EFCAB7: variants seen among roughly 807,000 people sequenced by gnomAD.
The protein encoded by EFCAB7 is EF-hand calcium binding domain 7, also known as EF-hand calcium-binding domain-containing protein 7.
A neutral mutation model predicts 77.1 loss-of-function variants in EFCAB7; 66 were observed. The ratio of observed to expected loss-of-function variants is 0.86; its 90% CI spans 0.70 to 1.05. The LOEUF is 1.05. EFCAB7 is among the 50% of genes least tolerant of loss of function. The pLI is 0.00. For missense variants in EFCAB7, 638 were observed against 730.5 expected (o/e 0.87, Z 1.46); for synonymous variants, 225 against 243.3 (o/e 0.92, Z 0.70).
intron 2 of EFCAB7, 35 bp downstream of exon 2, chr1:63,525,794 T>G (rs539813707): frequency 1.4e-6 from 2 of 1,401,040 alleles, no homozygotes; most frequent in Admixed American, 6.0e-5. Context: ...TTTCACCTTT[T>G]TGTTGAAAGT....
At chr1:63,553,283 G>C (rs1175766327) in intron 8 of EFCAB7, among the ~76,000 whole-genome samples, 1 of 152,146 alleles carries the variant, frequency 6.6e-6, no homozygotes. Flanking sequence ...TCTACATCTA[G>C]CCAATTTCAA....
intron 6 of EFCAB7, among the ~76,000 whole-genome samples, chr1:63,544,633 G>C (rs1286581772): frequency 6.6e-6 from 1 of 151,592 alleles, no homozygotes; most frequent in African/African-American, 2.4e-5. Context: ...GGCTGGTCTT[G>C]AACTCCTGAC....
chr1:63,579,323 G>A, the EFCAB7 span, among the ~76,000 whole-genome samples: 4 of 152,188 alleles, frequency 2.6e-5, no homozygotes, highest in Non-Finnish European at 5.9e-5. Context: ...CATGCAGTAT[G>A]TAACCTTTTG....
chr1:63,532,406 A>G (rs1025178975), intron 3 of EFCAB7, among the ~76,000 whole-genome samples: 4 of 152,066 alleles, frequency 2.6e-5, no homozygotes, highest in Non-Finnish European at 5.9e-5. Flanking sequence ...TAAACTCAAT[A>G]GCAGTTATAA....
rs749443668 is a variant in EFCAB7 at position 63,568,361 on chromosome 1, A to G, written c.1549A>G (p.Lys517Glu). 1.2e-6 allele frequency: 2 copies of G among 1,601,342 alleles called. No individual in the cohort carries two copies. The highest frequency in any genetic ancestry group is 1.7e-6 in the Non-Finnish European group (2 of 1,176,022). Residue 517 changes from lysine to glutamate, a missense_variant, in exon 12 of 14, where the codon AAA becomes GAA. Transcript: ENST00000371088. ...TGCAGAAAAATGCAAGCCAAAAATT[A>G]AAGCTGTCCATATGGAGGCATGTAG... ...IYAEKCKPKI[K>E]AVHMEACSGQ...
chr1:63,555,513 T>C lies in EFCAB7; in HGVS notation c.1212T>C (p.Phe404=), dbSNP rs533005548. Reference sequence around the variant, plus strand: ...GGGAATTATTCCTTACAAAGGAATTTAAGTAAGTTTTGTTTATTAATGTTA... The same window carrying C: ...GGGAATTATTCCTTACAAAGGAATTCAAGTAAGTTTTGTTTATTAATGTTA... The part of the protein sequence containing the change: ...ETGELFLTKE[F]KSTLSDIFEV... The change falls in exon 9 of 14, where the codon TTT becomes TTC. Residue 404 remains phenylalanine, a splice_region_variant and synonymous_variant. Transcript: ENST00000371088. 12 of 1,610,618 alleles carry C rather than the reference T, an allele frequency of 7.5e-6. No homozygotes were observed. The South Asian group carries it at 9.9e-5, about 13-fold the overall frequency.
chr1:63,525,495 G>A, intron 1 of EFCAB7, 77 bp from the exon 2 acceptor site: 1 of 1,171,820 alleles, frequency 8.5e-7, no homozygotes, highest in East Asian at 2.8e-5. Context: ...TCTCCTCCCT[G>A]TATTTGAAAG....
Position 63,555,498 on chromosome 1 carries a change from C to T in EFCAB7, c.1197C>T (p.Phe399=). The stretch of plus-strand genomic sequence containing the variant: ...ATAGAGATGAAACAGGGGAATTATT[C>T]CTTACAAAGGAATTTAAGTAAGTTT... ...LVYRDETGEL[F]LTKEFKSTLS... Residue 399 remains phenylalanine, a synonymous_variant, in exon 9 of 14, where the codon TTC becomes TTT. Coordinates refer to ENST00000371088, the MANE Select transcript of EFCAB7 (RefSeq NM_032437.4). 6.2e-7 allele frequency: 1 copy of T among 1,612,074 alleles called. No individual in the cohort carries two copies. The highest frequency in any genetic ancestry group is 1.7e-4 in the Middle Eastern group (1 of 6,040).
chr1:63,573,045 T>C (rs1647312872), downstream of EFCAB7, among the ~76,000 whole-genome samples: 1 of 152,158 alleles, frequency 6.6e-6, no homozygotes, highest in Non-Finnish European at 1.5e-5. Context: ...CATCTCGATG[T>C]GTACGTGCAG....
intron 6 of EFCAB7, among the ~76,000 whole-genome samples, chr1:63,538,649 C>T (rs556317416): frequency 8.8e-4 from 134 of 152,238 alleles, no homozygotes; most frequent in African/African-American, 3.2e-3. Context: ...GACAGGGTTT[C>T]ACCACATTGG....
rs1646736464 is a variant in EFCAB7 at position 63,534,234 on chromosome 1, A to G, written c.804+18A>G. ...TAATAAAGGTATAGTATTTTAAGTT[A>G]ACAGATGACTTTTTCTGAAAAAAAT... On this transcript the variant is annotated intron_variant, in intron 6 of 13. Transcript: ENST00000371088. 6.2e-7 allele frequency: 1 copy of G among 1,603,600 alleles called. No individual in the cohort carries two copies.
intron 2 of EFCAB7, chr1:63,529,747 T>G (rs1362658121): frequency 3.3e-5 from 5 of 152,002 alleles, no homozygotes; most frequent in Non-Finnish European, 7.4e-5. Context: ...TAAAATTTCT[T>G]TTTTTGAGAT....
intron 10 of EFCAB7, among the ~76,000 whole-genome samples, chr1:63,558,639 T>C (rs1488902784): frequency 6.6e-6 from 1 of 152,250 alleles, no homozygotes; most frequent in Admixed American, 6.5e-5. Flanking sequence ...TTTAAGGTTT[T>C]AATGTTTCCC....
intron 1 of EFCAB7, 48 bp from the exon 2 acceptor site, chr1:63,525,524 T>G: frequency 3.6e-6 from 5 of 1,388,282 alleles, no homozygotes; most frequent in Non-Finnish European, 4.7e-6. Flanking sequence ...ACATTTGTGT[T>G]TTAGTGACTC....
rs372489987 is a variant in EFCAB7, at chr1:63,555,465, A to C, written c.1164A>C (p.Gln388His). ...KKIKPVTDEA[Q>H]LVYRDETGEL... Reference sequence around the variant, plus strand: ...TAAAACCAGTAACAGATGAAGCCCAACTTGTATATAGAGATGAAACAGGGG... The same window carrying C: ...TAAAACCAGTAACAGATGAAGCCCACCTTGTATATAGAGATGAAACAGGGG... The change falls in exon 9 of 14, where the codon CAA becomes CAC. Residue 388 changes from glutamine (Q) to histidine (H), a missense_variant. Transcript: ENST00000371088. 1 of 1,613,990 alleles carries C rather than the reference A, an allele frequency of 6.2e-7. No homozygotes were observed. Among genetic ancestry groups the C allele is most frequent in the East Asian group, 2.2e-5 (1 of 44,850 alleles).
At chr1:63,528,482 A>G (rs1646635695) in intron 2 of EFCAB7, among the ~76,000 whole-genome samples, 1 of 152,162 alleles carries the variant, frequency 6.6e-6, no homozygotes. Context: ...GAAAAATAGA[A>G]AGAATAAGAC....
At chr1:63,526,333 GAT>G (rs1347947689) in intron 2 of EFCAB7, among the ~76,000 whole-genome samples, 1 of 152,062 alleles carries the variant, frequency 6.6e-6, no homozygotes, top group Admixed American at 6.5e-5. Context: ...AGTATCAAAT[GAT>G]TTGGACATCT....
Position 63,525,608 on chromosome 1 carries a change from C to T in EFCAB7, c.36C>T (p.Ser12=). The change falls in exon 2 of 14, where the codon TCC becomes TCT. Residue 12 remains serine, a synonymous_variant. Transcript: ENST00000371088. ...AISPRSDATF[S]SQKSTPSESP... ...GTCCACGAAGCGATGCAACTTTCTC[C>T]AGTCAGAAATCAACACCTTCAGAGA... 3.2e-6 allele frequency: 5 copies of T among 1,573,280 alleles called. No individual in the cohort carries two copies. Among genetic ancestry groups the T allele is most frequent in the South Asian group, 1.2e-5 (1 of 83,688 alleles).
downstream of EFCAB7, chr1:63,572,729 C>CTTT: frequency 4.1e-6 from 3 of 734,290 alleles, no homozygotes; most frequent in East Asian, 8.2e-5. Context: ...AAATCTTTTT[C>CTTT]TTTTTTTTTT....
Sources: gnomAD v4.1 joint callset for allele counts (sites outside exome capture counted in the v4.1 genomes callset) on GRCh38, gnomAD v4.1.1 for gene constraint, MANE v1.5 for transcripts, NCBI Gene and HGNC (gene_info 2026-07-23, HGNC 2026-07-21) for gene names.